The following LIMCH1 variants were observed in gnomAD, a reference collection of about 807,000 sequenced individuals.
LIMCH1 encodes the protein LIM and calponin homology domains 1.
LIMCH1 carries 113 observed loss-of-function variants against 176.5 expected under a neutral mutation model. That is an observed-to-expected ratio of 0.64 (90% confidence interval 0.55 to 0.75). The LOEUF is 0.75. LIMCH1 is among the 30% of genes least tolerant of loss of function. The pLI is 0.00. For missense variants in LIMCH1, 1,674 were observed against 1,814.9 expected (o/e 0.92, Z 1.41); for synonymous variants, 619 against 645.9 (o/e 0.96, Z 0.63).
Position 41,698,150 on chromosome 4 carries a change from G to A in LIMCH1, c.*965G>A, listed in dbSNP as rs1731733422. 1 of 151,974 alleles carries A rather than the reference G, an allele frequency of 6.6e-6. No individual in the cohort carries two copies. The highest frequency in any genetic ancestry group is 2.4e-5 in the African/African-American group (1 of 41,344). 9.4% of individuals were successfully genotyped at this position (151,974 alleles called of 1,614,324 possible). On this transcript the variant is annotated 3_prime_UTR_variant, in exon 32 of 32. Coordinates refer to ENST00000503057, the MANE Select transcript of LIMCH1 (RefSeq NM_001330672.2). The stretch of plus-strand genomic sequence containing the variant: ...TTAGGTGTGAGCACTGCTCACCCTT[G>A]CTGGCAAGTTCTCCTTAAGGGCCTG...
chr4:41,415,027 A>C (rs1434101547), intron 1 of LIMCH1, among the ~76,000 whole-genome samples: 1 of 152,148 alleles, frequency 6.6e-6, no homozygotes, highest in East Asian at 1.9e-4. Context: ...TAACAATATA[A>C]TACCTGTTTC....
Position 41,684,408 on chromosome 4 carries a change from G to A in LIMCH1, c.3857G>A (p.Gly1286Glu), listed in dbSNP as rs756636012. 1 of 1,613,284 alleles carries A rather than the reference G, an allele frequency of 6.2e-7. No homozygotes were observed. The highest frequency in any genetic ancestry group is 1.1e-5 in the South Asian group (1 of 90,972). Residue 1286 changes from glycine (G) to glutamate (E), a missense_variant, in exon 27 of 32, where the codon GGG (glycine) becomes GAG (glutamate). Coordinates refer to ENST00000503057, the MANE Select transcript of LIMCH1 (RefSeq NM_001330672.2). ...RLEEKGSLTE[G>E]ALAHSGNPVS... ...CTTTATTTTAACAGCCTAACTGAAG[G>A]GGCCTTGGCTCATTCTGGGAACCCT...
chr4:41,488,900 C>T (rs1315405229), intron 1 of LIMCH1, among the ~76,000 whole-genome samples: 1 of 151,970 alleles, frequency 6.6e-6, no homozygotes, highest in Non-Finnish European at 1.5e-5. Context: ...TGTAGAATTG[C>T]CTTATTTCTT....
chr4:41,481,347 G>C (rs1384281843), intron 1 of LIMCH1, among the ~76,000 whole-genome samples: 5 of 152,188 alleles, frequency 3.3e-5, no homozygotes, highest in African/African-American at 1.2e-4. Context: ...GTGAAGCCCT[G>C]GGCTGGGTGA....
chr4:41,638,293 GTTT>G (rs887849919), intron 13 of LIMCH1, among the ~76,000 whole-genome samples: 53 of 152,166 alleles, frequency 3.5e-4, no homozygotes, highest in African/African-American at 1.3e-3. Context: ...AAAAACTTTA[GTTT>G]TTCAAGTTAT....
At position 41,603,842 on chromosome 4, in the gene LIMCH1, T is replaced by C. The variant is rs763581472; in HGVS notation, c.-133-33T>C. The C allele has an allele frequency of 1.0e-4, 154 of 1,541,648 alleles. 3 individuals are homozygous for C. Among genetic ancestry groups the C allele is most frequent in the Non-Finnish European group, 5.4e-6 (6 of 1,116,312 alleles). Reference sequence around the variant, plus strand: ...GGTCACAATTTAGAATCTGCTATTCTGACAATATTTTCTTTTCCCTTTCCT... The same window carrying C: ...GGTCACAATTTAGAATCTGCTATTCCGACAATATTTTCTTTTCCCTTTCCT... On this transcript the variant is annotated intron_variant, in intron 2 of 31. Transcript: ENST00000503057.
chr4:41,648,869 A>T (rs930078508), intron 17 of LIMCH1, among the ~76,000 whole-genome samples: 1 of 149,872 alleles, frequency 6.7e-6, no homozygotes, highest in Non-Finnish European at 1.5e-5. Context: ...AGCCAATATA[A>T]AAAAAAAAGA....
chr4:41,632,926 C>T, intron 11 of LIMCH1, 51 bp from the exon 12 acceptor site: 1 of 1,527,244 alleles, frequency 6.5e-7, no homozygotes, highest in Non-Finnish European at 8.8e-7. Context: ...GGGGTCAGAG[C>T]CTCTGGTGTG....
chr4:41,649,840 A>G (rs1180090025), intron 17 of LIMCH1, among the ~76,000 whole-genome samples: 4 of 152,226 alleles, frequency 2.6e-5, no homozygotes, highest in African/African-American at 4.8e-5. Flanking sequence ...AATGGAGGTT[A>G]TAAAAGTAAC....
intron 3 of LIMCH1, 92 bp downstream of exon 3, chr4:41,603,997 G>T: frequency 8.6e-7 from 1 of 1,169,354 alleles, no homozygotes; most frequent in Non-Finnish European, 1.2e-6. Context: ...GCTGGAAAAA[G>T]TCCTTAGAAA....
chr4:41,552,316 C>A (rs781202626), intron 1 of LIMCH1, among the ~76,000 whole-genome samples: 3 of 152,102 alleles, frequency 2.0e-5, no homozygotes, highest in Non-Finnish European at 2.9e-5. Flanking sequence ...AAAGAAGAAC[C>A]GTCTTCTCTT....
chr4:41,679,953 C>T (rs910251001), intron 23 of LIMCH1, 53 bp from the exon 24 acceptor site: 29 of 1,236,274 alleles, frequency 2.3e-5, no homozygotes, highest in South Asian at 9.1e-5. Context: ...GGAAAATTCC[C>T]GATGACGTAT....
chr4:41,399,205 T>A (rs2058111686), intron 1 of LIMCH1, among the ~76,000 whole-genome samples: 1 of 152,192 alleles, frequency 6.6e-6, no homozygotes, highest in Admixed American at 6.5e-5. Flanking sequence ...CTGTTGTTTA[T>A]TCTGAAAAGC....
At chr4:41,436,369 C>T (rs2062080702) in intron 1 of LIMCH1, among the ~76,000 whole-genome samples, 1 of 152,080 alleles carries the variant, frequency 6.6e-6, no homozygotes, top group South Asian at 2.1e-4. Context: ...AGCAGTTGCC[C>T]CCACCGAAGG....
intron 1 of LIMCH1, among the ~76,000 whole-genome samples, chr4:41,559,803 C>T (rs143262427): frequency 1.1e-4 from 17 of 152,108 alleles, no homozygotes; most frequent in African/African-American, 4.1e-4. Flanking sequence ...TGCACCCTAC[C>T]CCTACCCAAC....
intron 12 of LIMCH1, 57 bp downstream of exon 12, chr4:41,633,142 G>C (rs1038906026): frequency 3.4e-5 from 43 of 1,260,148 alleles, no homozygotes; most frequent in Non-Finnish European, 4.6e-5. Context: ...GTGTGTGGCT[G>C]TCGTGTTCCC....
chr4:41,393,788 G>A (rs1050470946), intron 1 of LIMCH1, among the ~76,000 whole-genome samples: 14 of 152,098 alleles, frequency 9.2e-5, no homozygotes, highest in African/African-American at 3.4e-4. Flanking sequence ...AATATAAACT[G>A]TAAAATTAGA....
At chr4:41,517,619 T>C (rs530327354) in intron 2 of LIMCH1, among the ~76,000 whole-genome samples, 1 of 152,326 alleles carries the variant, frequency 6.6e-6, no homozygotes, top group African/African-American at 2.4e-5. Flanking sequence ...ACACTCTTGT[T>C]CATTTGAAAC....
chr4:41,677,511 C>T (rs1030068142), intron 23 of LIMCH1, among the ~76,000 whole-genome samples: 1 of 152,186 alleles, frequency 6.6e-6, no homozygotes, highest in Admixed American at 6.5e-5. Flanking sequence ...GTTCATCATA[C>T]TCCCACTTCA....
Sources: allele counts gnomAD v4.1 joint callset (sites outside exome capture counted in the v4.1 genomes callset), GRCh38; gene constraint gnomAD v4.1.1; transcripts MANE v1.5; gene names NCBI Gene and HGNC (gene_info 2026-07-23, HGNC 2026-07-21).